The following JAM3 variants were observed in gnomAD, a reference collection of about 807,000 sequenced individuals.
JAM3 encodes junctional adhesion molecule 3, also known as junctional adhesion molecule C.
A neutral mutation model predicts 39.4 loss-of-function variants in JAM3; 31 were observed. That is an observed-to-expected ratio of 0.79 (90% CI 0.59 to 1.06). The LOEUF is 1.06. Ranked by LOEUF, JAM3 falls within the 50% of genes least tolerant of loss-of-function variation. The probability of loss-of-function intolerance (pLI) is 0.00; values close to 1 mark genes in which losing one functional copy is unlikely to be tolerated. For missense variants in JAM3, 455 were observed against 391.4 expected, an observed-to-expected ratio of 1.16 and a Z score of -1.37; for synonymous variants, 182 against 148.7, an observed-to-expected ratio of 1.22 and a Z score of -1.63.
intron 1 of JAM3, among the ~76,000 whole-genome samples, chr11:134,073,038 T>A (rs1245236530): frequency 6.6e-6 from 1 of 152,126 alleles, no homozygotes; most frequent in Non-Finnish European, 1.5e-5. Context: ...TTCACTGGAG[T>A]GTAAAGCGAT....
At chr11:134,133,131 T>A (rs561728524) in intron 1 of JAM3, among the ~76,000 whole-genome samples, 29 of 152,336 alleles carry the variant, frequency 1.9e-4, no homozygotes, top group African/African-American at 6.7e-4. Flanking sequence ...AAGTTCTGCA[T>A]GTTGGTTTTG....
At chr11:134,110,749 C>G (rs536410045) in intron 1 of JAM3, among the ~76,000 whole-genome samples, 1 of 152,138 alleles carries the variant, frequency 6.6e-6, no homozygotes, top group Admixed American at 6.5e-5. Context: ...GATATGTTCG[C>G]TATTGTGGTT....
intron 1 of JAM3, chr11:134,124,222 T>G: frequency 7.3e-7 from 1 of 1,362,422 alleles, no homozygotes; most frequent in Non-Finnish European, 1.0e-6. Context: ...ACTCCATACT[T>G]CTTAAGTTCC....
intron 1 of JAM3, among the ~76,000 whole-genome samples, chr11:134,077,311 AT>A (rs1162868658): frequency 6.9e-6 from 1 of 144,094 alleles, no homozygotes; most frequent in Non-Finnish European, 1.5e-5. Context: ...TAATGGGATT[AT>A]TTTTTTCTTA....
chr11:134,097,666 A>G (rs1045581946), intron 1 of JAM3, among the ~76,000 whole-genome samples: 2 of 152,004 alleles, frequency 1.3e-5, no homozygotes, highest in Non-Finnish European at 2.9e-5. Flanking sequence ...AACAATTTAA[A>G]ATTATGTTTC....
intron 1 of JAM3, among the ~76,000 whole-genome samples, chr11:134,107,287 A>G (rs1942211027): frequency 6.6e-6 from 1 of 152,118 alleles, no homozygotes; most frequent in Non-Finnish European, 1.5e-5. Flanking sequence ...AACAATGAGA[A>G]CACTTGGACA....
chr11:134,146,364 A>G (rs1258510590), intron 6 of JAM3, among the ~76,000 whole-genome samples: 5 of 151,944 alleles, frequency 3.3e-5, no homozygotes, highest in Non-Finnish European at 7.3e-5. Flanking sequence ...AGGTGGTGTC[A>G]GGTCTCCAGA....
intron 3 of JAM3, among the ~76,000 whole-genome samples, chr11:134,142,945 C>A (rs574258166): frequency 2.0e-5 from 3 of 152,176 alleles, no homozygotes; most frequent in Non-Finnish European, 4.4e-5. Context: ...TTTCTTTTCA[C>A]GGCTGAATAA....
intron 1 of JAM3, among the ~76,000 whole-genome samples, chr11:134,136,672 C>G (rs971542478): frequency 6.6e-6 from 1 of 152,110 alleles, no homozygotes; most frequent in East Asian, 1.9e-4. Context: ...TGGAGTCTTC[C>G]TGGGATATAC....
intron 1 of JAM3, among the ~76,000 whole-genome samples, chr11:134,118,793 A>G (rs967804297): frequency 2.0e-5 from 3 of 152,038 alleles, no homozygotes; most frequent in Admixed American, 6.6e-5. Context: ...CCCCATGATA[A>G]TCCTGGACTT....
At chr11:134,124,718 T>TAA (rs879043468) in intron 1 of JAM3, among the ~76,000 whole-genome samples, 1 of 148,506 alleles carries the variant, frequency 6.7e-6, no homozygotes, top group African/African-American at 2.5e-5. Flanking sequence ...TGCTTGCAAT[T>TAA]AAAAAAAAAA....
intron 1 of JAM3, among the ~76,000 whole-genome samples, chr11:134,091,198 A>T (rs1941842982): frequency 6.6e-6 from 1 of 152,082 alleles, no homozygotes; most frequent in South Asian, 2.1e-4. Context: ...CCATCTCTAT[A>T]AAAAATAAAA....
In JAM3 at chr11:134,141,825, G is replaced by A. The variant is rs147305800; in HGVS notation, c.256+1055G>A. Among the ~76,000 whole-genome samples, 68 of 152,192 alleles carry A rather than the reference G, an allele frequency of 4.5e-4. No individual in the cohort carries two copies. The East Asian group carries it at 6.8e-3, about 15-fold the overall frequency. ...GGCATCCTTTTTCTGACAGGAGGGC[G>A]GGAGCTGCAGGAGGTACACATGCAG... is the stretch of plus-strand genomic sequence containing the variant. On this transcript the variant is annotated intron_variant, in intron 3 of 8. Transcript: ENST00000299106.
chr11:134,146,282 C>A (rs988258148), intron 6 of JAM3, among the ~76,000 whole-genome samples: 1 of 152,124 alleles, frequency 6.6e-6, no homozygotes, highest in Non-Finnish European at 1.5e-5. Flanking sequence ...GGGAACGTGG[C>A]CAGCCTTGCA....
chr11:134,096,375 C>T (rs1440548950), intron 1 of JAM3, among the ~76,000 whole-genome samples: 3 of 152,214 alleles, frequency 2.0e-5, no homozygotes, highest in Non-Finnish European at 4.4e-5. Flanking sequence ...GGTCTGTTCA[C>T]TTCCATCCAG....
At chr11:134,102,301 G>A (rs973552197) in intron 1 of JAM3, among the ~76,000 whole-genome samples, 3 of 152,154 alleles carry the variant, frequency 2.0e-5, no homozygotes, top group Non-Finnish European at 4.4e-5. Context: ...GCAGCTGAGG[G>A]TCCTGACTGT....
At chr11:134,133,173 A>C (rs1479825859) in intron 1 of JAM3, among the ~76,000 whole-genome samples, 3 of 151,884 alleles carry the variant, frequency 2.0e-5, no homozygotes, top group Admixed American at 6.5e-5. Flanking sequence ...TCATTTATTT[A>C]TTCTAATATT....
chr11:134,128,947 G>C (rs1942708634), intron 1 of JAM3, among the ~76,000 whole-genome samples: 1 of 152,026 alleles, frequency 6.6e-6, no homozygotes, highest in Non-Finnish European at 1.5e-5. Context: ...GAGGTGGCTT[G>C]AACAGCAAAA....
chr11:134,139,963 C>G, intron 2 of JAM3, 47 bp downstream of exon 2: 1 of 1,426,932 alleles, frequency 7.0e-7, no homozygotes, highest in Non-Finnish European at 9.9e-7. Flanking sequence ...ATCTACTGGA[C>G]ATTTGATGTC....
Sources: gnomAD v4.1 joint callset for allele counts (sites outside exome capture counted in the v4.1 genomes callset) on GRCh38, gnomAD v4.1.1 for gene constraint, MANE v1.5 for transcripts, NCBI Gene and HGNC (gene_info 2026-07-23, HGNC 2026-07-21) for gene names.